The following RPRD2 variants were observed in gnomAD, a reference collection of about 807,000 sequenced individuals.
RPRD2 encodes the protein regulation of nuclear pre-mRNA domain containing 2.
RPRD2 carries 12 observed loss-of-function variants against 104.4 expected under a neutral mutation model. The observed-to-expected ratio is 0.11, with a 90% CI of 0.07 to 0.19. The LOEUF (loss-of-function observed/expected upper bound fraction) is 0.19, where lower values mean the gene tolerates loss of function less well. RPRD2 is among the 10% of genes least tolerant of loss of function. The probability of loss-of-function intolerance (pLI) is 1.00; values close to 1 mark genes in which losing one functional copy is unlikely to be tolerated. For missense variants in RPRD2, 1,543 were observed against 1,790.1 expected, an observed-to-expected ratio of 0.86 and a Z score of 2.49; for synonymous variants, 714 against 684.9, an observed-to-expected ratio of 1.04 and a Z score of -0.66.
intron 1 of RPRD2, among the ~76,000 whole-genome samples, chr1:150,405,644 G>A (rs1393997386): frequency 6.6e-6 from 1 of 151,982 alleles, no homozygotes; most frequent in Non-Finnish European, 1.5e-5. Context: ...ATTTCTCTAT[G>A]GCCTCAAATG....
At chr1:150,449,493 T>C (rs1667013133) in intron 7 of RPRD2, among the ~76,000 whole-genome samples, 1 of 152,132 alleles carries the variant, frequency 6.6e-6, no homozygotes, top group South Asian at 2.1e-4. Flanking sequence ...TTTAGATTTC[T>C]ATTTTGTCTC....
chr1:150,389,602 CT>C (rs1171552594), intron 1 of RPRD2, among the ~76,000 whole-genome samples: 1 of 152,028 alleles, frequency 6.6e-6, no homozygotes, highest in Non-Finnish European at 1.5e-5. Context: ...CAGATTTCTT[CT>C]TTTTTGAAGC....
At chr1:150,421,194 C>G (rs1319704137) in intron 2 of RPRD2, among the ~76,000 whole-genome samples, 1 of 152,134 alleles carries the variant, frequency 6.6e-6, no homozygotes, top group Middle Eastern at 3.2e-3. Flanking sequence ...GTTGAACATA[C>G]AAAATCAGTA....
chr1:150,374,349 TCATCTGGTGTTCATTGG>T (rs1400758964), intron 1 of RPRD2, among the ~76,000 whole-genome samples: 3 of 152,230 alleles, frequency 2.0e-5, no homozygotes, highest in Non-Finnish European at 4.4e-5. Context: ...CTCCATCTCT[TCATCTGGTGTTCATTGG>T]TGTCCTTTGT....
intron 1 of RPRD2, among the ~76,000 whole-genome samples, chr1:150,386,534 G>A (rs1661581196): frequency 2.0e-5 from 3 of 152,124 alleles, no homozygotes; most frequent in Admixed American, 2.0e-4. Flanking sequence ...CCTGCGGCTG[G>A]ACACCTCAAT....
At chr1:150,450,033 A>C (rs1249524546) in intron 7 of RPRD2, among the ~76,000 whole-genome samples, 1 of 152,078 alleles carries the variant, frequency 6.6e-6, no homozygotes, top group African/African-American at 2.4e-5. Flanking sequence ...ATTCTGTTGA[A>C]TCTTATCTAT....
intron 2 of RPRD2, among the ~76,000 whole-genome samples, chr1:150,438,332 AAT>A (rs2102346664): frequency 6.6e-6 from 1 of 150,750 alleles, no homozygotes; most frequent in African/African-American, 2.4e-5. Context: ...TAACATCAAG[AAT>A]ATGTTCTGAG....
At chr1:150,420,445 T>C (rs1664685736) in intron 2 of RPRD2, among the ~76,000 whole-genome samples, 2 of 152,182 alleles carry the variant, frequency 1.3e-5, no homozygotes, top group South Asian at 4.1e-4. Context: ...TACGTAATGA[T>C]GAAACAAAGC....
At chr1:150,442,823 A>C (rs782767929) in intron 4 of RPRD2, among the ~76,000 whole-genome samples, 17 of 152,218 alleles carry the variant, frequency 1.1e-4, no homozygotes, top group Non-Finnish European at 2.4e-4. Flanking sequence ...ATTTATAGGA[A>C]TAGAGTTATT....
intron 2 of RPRD2, among the ~76,000 whole-genome samples, chr1:150,439,443 A>G (rs1264589700): frequency 2.6e-5 from 4 of 152,098 alleles, no homozygotes; most frequent in African/African-American, 4.8e-5. Context: ...TCATGCCACC[A>G]TAGTTCAGCC....
At chr1:150,459,426 A>G (rs1197276517) in intron 8 of RPRD2, among the ~76,000 whole-genome samples, 1 of 152,144 alleles carries the variant, frequency 6.6e-6, no homozygotes, top group African/African-American at 2.4e-5. Flanking sequence ...TGGAAAAGAA[A>G]AACACAGGAC....
chr1:150,417,799 A>T lies in RPRD2; in HGVS notation c.335+74A>T, dbSNP rs1466349820. 2.2e-5 allele frequency: 27 copies of T among 1,200,730 alleles called. 1 individual carries two copies. The Admixed American group carries it at 7.1e-4, about 32-fold the overall frequency. 74.4% of individuals were successfully genotyped at this position (1,200,730 alleles called of 1,614,324 possible). A position where few individuals can be genotyped will look rare whatever the true frequency, so the allele number is the denominator to read the frequency against. On this transcript the variant is annotated intron_variant, in intron 2 of 10. Transcript: ENST00000369068. ...AATTTTAGTTTCTTAACCCATTAAG[A>T]ACTGTAATAATTGAACATGCTTGAA...
rs1666063590 is a variant in RPRD2, at chr1:150,437,181, A to G, written c.336-3742A>G. On this transcript the variant is annotated intron_variant, in intron 2 of 10. Coordinates refer to ENST00000369068, the MANE Select transcript of RPRD2 (RefSeq NM_015203.5). ...CTAGATGGCATGAAGAACATTTGTGATTCATAGGGAGAGGTCAAAATATCA... is the reference window on the plus strand; with the variant it reads ...CTAGATGGCATGAAGAACATTTGTGGTTCATAGGGAGAGGTCAAAATATCA... 2.6e-5 allele frequency among the ~76,000 whole-genome samples: 4 copies of G among 152,134 alleles called. No individual in the cohort carries two copies. In the South Asian group the frequency reaches 8.3e-4, roughly 32 times the overall value.
intron 1 of RPRD2, among the ~76,000 whole-genome samples, chr1:150,375,327 A>C (rs765134019): frequency 5.9e-5 from 9 of 152,276 alleles, no homozygotes; most frequent in Middle Eastern, 3.4e-3. Context: ...GTAGCAAATA[A>C]ACATTCCCAT....
chr1:150,418,310 G>C (rs1015097555), intron 2 of RPRD2, among the ~76,000 whole-genome samples: 3 of 151,996 alleles, frequency 2.0e-5, no homozygotes, highest in African/African-American at 7.2e-5. Flanking sequence ...TCAAAAGCTG[G>C]TCTCCTGTTT....
chr1:150,462,654 C>CA (rs1211054628), intron 9 of RPRD2, among the ~76,000 whole-genome samples: 1 of 151,906 alleles, frequency 6.6e-6, no homozygotes. Context: ...CCTCCCAGGT[C>CA]ACGCCATTCT....
chr1:150,390,069 T>C (rs1661951224), intron 1 of RPRD2, among the ~76,000 whole-genome samples: 1 of 152,096 alleles, frequency 6.6e-6, no homozygotes. Context: ...AGAATTCCCA[T>C]AGATAAAATT....
At chr1:150,376,855 G>T (rs1660735985) in intron 1 of RPRD2, among the ~76,000 whole-genome samples, 1 of 150,958 alleles carries the variant, frequency 6.6e-6, no homozygotes, top group South Asian at 2.1e-4. Context: ...TTACTTGAAA[G>T]ATTAAAATTC....
intron 7 of RPRD2, among the ~76,000 whole-genome samples, chr1:150,453,236 T>C (rs1667319057): frequency 6.6e-6 from 1 of 151,838 alleles, no homozygotes; most frequent in South Asian, 2.1e-4. Flanking sequence ...TTTCACCATA[T>C]TGGTCAAGCT....
Sources: allele counts gnomAD v4.1 joint callset (sites outside exome capture counted in the v4.1 genomes callset), GRCh38; gene constraint gnomAD v4.1.1; transcripts MANE v1.5; gene names NCBI Gene and HGNC (gene_info 2026-07-23, HGNC 2026-07-21).